MTREX: variants seen among roughly 807,000 people sequenced by gnomAD.
The protein encoded by MTREX is Mtr4 exosome RNA helicase.
A neutral mutation model predicts 135.4 loss-of-function variants in MTREX; 76 were observed. The observed-to-expected ratio is 0.56, with a 90% CI of 0.47 to 0.68. The LOEUF (loss-of-function observed/expected upper bound fraction) is 0.68, where lower values mean the gene tolerates loss of function less well. Among genes scored for constraint, MTREX ranks in the 30% least tolerant of loss-of-function variants. MTREX has a pLI of 0.00. For synonymous variants in MTREX, 404 were observed against 401.6 expected, an observed-to-expected ratio of 1.01 and a Z score of -0.07; for missense variants, 920 against 1,262.1, an observed-to-expected ratio of 0.73 and a Z score of 4.11.
intron 18 of MTREX, 77 bp downstream of exon 18, chr5:55,379,272 A>G: frequency 3.6e-6 from 3 of 837,392 alleles, no homozygotes; most frequent in South Asian, 3.0e-5. Context: ...AAATCGGTCT[A>G]AGAAGAAATA....
chr5:55,350,800 GATTTT>G, intron 12 of MTREX, 114 bp from the exon 13 acceptor site: 1 of 832,658 alleles, frequency 1.2e-6, no homozygotes, highest in East Asian at 2.8e-5. Flanking sequence ...ATTCTGGAAA[GATTTT>G]ATTAAGTTTC....
chr5:55,388,195 T>C, intron 19 of MTREX, 93 bp downstream of exon 19: 1 of 1,079,094 alleles, frequency 9.3e-7, no homozygotes, highest in Non-Finnish European at 1.3e-6. Context: ...ATGAACATAC[T>C]ATCATGATTT....
chr5:55,421,251 G>A lies in MTREX; in HGVS notation c.2972-1627G>A, dbSNP rs139926517. On this transcript the variant is annotated intron_variant, in intron 25 of 26. Coordinates refer to ENST00000230640, the MANE Select transcript of MTREX (RefSeq NM_015360.5). ...GAGAACTGTAGTAGGTAGGAGAGAT[G>A]CTAGACAATTCACTACTTAATCGTC... 1.2e-3 allele frequency among the ~76,000 whole-genome samples: 179 copies of A among 152,320 alleles called. 1 individual carries two copies. Among genetic ancestry groups the A allele is most frequent in the African/African-American group, 4.1e-3 (171 of 41,576 alleles).
chr5:55,376,598 T>G (rs940234489), intron 16 of MTREX, among the ~76,000 whole-genome samples: 1 of 152,224 alleles, frequency 6.6e-6, no homozygotes, highest in African/African-American at 2.4e-5. Flanking sequence ...TAGCACTTCA[T>G]TAATGAAATG....
At chr5:55,392,758 C>T (rs1335252416) in intron 19 of MTREX, among the ~76,000 whole-genome samples, 1 of 152,068 alleles carries the variant, frequency 6.6e-6, no homozygotes. Flanking sequence ...TCTAGATTTC[C>T]AGAAATGTGT....
rs1191554310 is a variant in MTREX, at chr5:55,327,646, A to T, written c.340-70A>T. The T allele has an allele frequency of 3.4e-6, 4 of 1,181,966 alleles. No homozygotes were observed. The East Asian group carries it at 9.3e-5, about 28-fold the overall frequency. 73.2% of individuals were successfully genotyped at this position (1,181,966 alleles called of 1,614,324 possible). On this transcript the variant is annotated intron_variant, in intron 3 of 26. Coordinates refer to ENST00000230640, the MANE Select transcript of MTREX (RefSeq NM_015360.5). ...TTTATTTTCCAAACCATCATTCATT[A>T]TGGAATGCTAAATACATCAGTTCTC...
Position 55,353,239 on chromosome 5 carries a change from C to T in MTREX, c.1503C>T (p.Ala501=). The T allele has an allele frequency of 6.2e-7, 1 of 1,607,360 alleles. No individual in the cohort carries two copies. Among genetic ancestry groups the T allele is most frequent in the Non-Finnish European group, 8.5e-7 (1 of 1,176,942 alleles). Residue 501 remains alanine, a synonymous_variant, in exon 14 of 27, where the codon GCC becomes GCT. Coordinates refer to ENST00000230640, the MANE Select transcript of MTREX (RefSeq NM_015360.5). ...MPARTVLFTN[A]RKFDGKDFRW... ...CTAGAACTGTTTTATTTACAAATGC[C>T]CGCAAATTTGATGGGAAGGATTTCC...
chr5:55,416,845 T>C (rs901558307), intron 25 of MTREX, among the ~76,000 whole-genome samples: 4 of 152,184 alleles, frequency 2.6e-5, no homozygotes, highest in Non-Finnish European at 5.9e-5. Flanking sequence ...GTTTGTTCTG[T>C]ATAGAGATTA....
At chr5:55,374,202 A>T (rs1244723335) in intron 16 of MTREX, among the ~76,000 whole-genome samples, 1 of 151,750 alleles carries the variant, frequency 6.6e-6, no homozygotes, top group Admixed American at 6.6e-5. Flanking sequence ...GGTTGCAGTG[A>T]GCCAAGATTG....
chr5:55,379,886 C>CTG (rs1750365887), intron 18 of MTREX, among the ~76,000 whole-genome samples: 1 of 152,190 alleles, frequency 6.6e-6, no homozygotes, highest in Non-Finnish European at 1.5e-5. Context: ...TTTACCTATA[C>CTG]TGAAGTGCTG....
chr5:55,356,892 G>T, intron 14 of MTREX: 1 of 169,930 alleles, frequency 5.9e-6, no homozygotes, highest in South Asian at 1.6e-4. Context: ...GATGGTGGTA[G>T]AGCAGATTGT....
chr5:55,310,862 C>T (rs988674992), intron 1 of MTREX, among the ~76,000 whole-genome samples: 2 of 152,120 alleles, frequency 1.3e-5, no homozygotes, highest in Non-Finnish European at 2.9e-5. Context: ...ATGGTAACCT[C>T]GAACTCCTGG....
At chr5:55,364,243 G>A (rs1750059636) in intron 15 of MTREX, among the ~76,000 whole-genome samples, 2 of 152,182 alleles carry the variant, frequency 1.3e-5, no homozygotes, top group South Asian at 4.1e-4. Context: ...GATACTTATA[G>A]ATGAGAGACA....
chr5:55,386,610 A>G (rs1750485309), intron 18 of MTREX, among the ~76,000 whole-genome samples: 2 of 152,286 alleles, frequency 1.3e-5, no homozygotes, highest in East Asian at 3.9e-4. Context: ...CTGCAAAAAT[A>G]GATGATTATG....
chr5:55,344,233 T>G lies in MTREX; in HGVS notation c.907-289T>G, dbSNP rs565949651. Among the ~76,000 whole-genome samples, 8 of 152,302 alleles carry G rather than the reference T, an allele frequency of 5.3e-5. No individual in the cohort carries two copies. The East Asian group carries it at 1.5e-3, about 29-fold the overall frequency. On this transcript the variant is annotated intron_variant, in intron 8 of 26. Coordinates refer to ENST00000230640, the MANE Select transcript of MTREX (RefSeq NM_015360.5). ...CCTCCTCTATAGAAAAATAAGCATC[T>G]TTCCGTAATTACAGCATTCCAGGGC...
intron 16 of MTREX, among the ~76,000 whole-genome samples, chr5:55,373,873 G>GC (rs1750247077): frequency 6.6e-6 from 1 of 152,108 alleles, no homozygotes; most frequent in Non-Finnish European, 1.5e-5. Flanking sequence ...AGGACACCCA[G>GC]CTGGCATCCA....
At chr5:55,389,513 A>G (rs1389137857) in intron 19 of MTREX, among the ~76,000 whole-genome samples, 3 of 152,166 alleles carry the variant, frequency 2.0e-5, no homozygotes, top group Admixed American at 6.5e-5. Flanking sequence ...GGTTGTTAAC[A>G]TGAATTTTAC....
intron 15 of MTREX, among the ~76,000 whole-genome samples, chr5:55,360,489 A>G (rs546563497): frequency 2.0e-5 from 3 of 152,052 alleles, no homozygotes; most frequent in South Asian, 2.1e-4. Flanking sequence ...TTGCAGGGTC[A>G]TAGAGTAAAT....
intron 2 of MTREX, among the ~76,000 whole-genome samples, chr5:55,322,746 T>C (rs1749309174): frequency 6.6e-6 from 1 of 152,172 alleles, no homozygotes; most frequent in African/African-American, 2.4e-5. Context: ...TTATTTGTAA[T>C]GCCTCAGGAG....
Sources: gnomAD v4.1 joint callset for allele counts (sites outside exome capture counted in the v4.1 genomes callset) on GRCh38, gnomAD v4.1.1 for gene constraint, MANE v1.5 for transcripts, NCBI Gene and HGNC (gene_info 2026-07-23, HGNC 2026-07-21) for gene names.